Variants in MINK1 observed in about 807,000 individuals in gnomAD.
MINK1 encodes misshapen-like kinase 1.
Under a neutral mutation model 178.4 loss-of-function variants are expected in MINK1, and 46 were observed. The ratio of observed to expected loss-of-function variants is 0.26; its 90% CI spans 0.20 to 0.33. The LOEUF (loss-of-function observed/expected upper bound fraction) is 0.33, where lower values mean the gene tolerates loss of function less well. Ranked by LOEUF, MINK1 falls within the 10% of genes least tolerant of loss-of-function variation. MINK1 has a pLI of 1.00. For synonymous variants in MINK1, 797 were observed against 709.7 expected, an observed-to-expected ratio of 1.12 and a Z score of -1.96; for missense variants, 1,366 against 1,814.9, an observed-to-expected ratio of 0.75 and a Z score of 4.49.
intron 1 of MINK1, among the ~76,000 whole-genome samples, chr17:4,856,109 C>T (rs576939585): frequency 5.3e-5 from 8 of 152,136 alleles, no homozygotes; most frequent in Admixed American, 2.0e-4. Flanking sequence ...CCTTCTCTCG[C>T]CATAGGAACA....
chr17:4,858,699 T>A (rs1259383668), intron 1 of MINK1, among the ~76,000 whole-genome samples: 1 of 151,998 alleles, frequency 6.6e-6, no homozygotes, highest in Non-Finnish European at 1.5e-5. Flanking sequence ...CTTGGTTCCC[T>A]CTTTAGACCA....
At chr17:4,890,454 A>G (rs1443550377) in intron 13 of MINK1, 63 bp from the exon 14 acceptor site, 1 of 1,529,342 alleles carries the variant, frequency 6.5e-7, no homozygotes, top group South Asian at 1.2e-5. Flanking sequence ...AAGAGAGGGC[A>G]TGCCTGCTCT....
chr17:4,845,686 A>G (rs1375783026), intron 1 of MINK1, among the ~76,000 whole-genome samples: 4 of 150,818 alleles, frequency 2.7e-5, no homozygotes, highest in African/African-American at 9.8e-5. Flanking sequence ...CCCAGGCTGG[A>G]GTGCGGTGGC....
chr17:4,871,902 A>G (rs1157798299), intron 1 of MINK1, among the ~76,000 whole-genome samples: 2 of 152,150 alleles, frequency 1.3e-5, no homozygotes, highest in Non-Finnish European at 2.9e-5. Flanking sequence ...GCTGAAGTAC[A>G]GTGGCATGAC....
In MINK1 at chr17:4,892,979, T is replaced by G. The variant is rs11556634; in HGVS notation, c.2312T>G (p.Val771Gly). The G allele has an allele frequency of 6.4e-7, 1 of 1,563,074 alleles. No individual in the cohort carries two copies. The highest frequency in any genetic ancestry group is 1.2e-5 in the South Asian group (1 of 84,946). Reference sequence around the variant, plus strand: ...GACCTTCTTCCACCCTGCCGTCCAGTCTCCTCCAAACCGGACAGCTCCCCT... The same window carrying G: ...GACCTTCTTCCACCCTGCCGTCCAGGCTCCTCCAAACCGGACAGCTCCCCT... ...AGSLERNRVGVSSKPDSSPVL... is the reference protein window; with the variant it reads ...AGSLERNRVGGSSKPDSSPVL... Residue 771 changes from valine to glycine, a missense_variant and splice_region_variant, in exon 20 of 32, where the codon GTC (valine) becomes GGC (glycine). Transcript: ENST00000355280.
intron 13 of MINK1, chr17:4,890,232 G>C: frequency 8.9e-7 from 1 of 1,126,838 alleles, no homozygotes; most frequent in Non-Finnish European, 1.1e-6. Flanking sequence ...GAATATATTC[G>C]TCACAGGCTA....
chr17:4,878,250 C>T lies in MINK1; in HGVS notation c.58-67C>T, dbSNP rs1313253400. ...CATATCTTGACTGGATACCACTTTA[C>T]CCCCCTCTAGCTCTGTAATCCTTTT... On this transcript the variant is annotated intron_variant, in intron 1 of 31. Coordinates refer to ENST00000355280, the MANE Select transcript of MINK1 (RefSeq NM_153827.5). 5 of 1,415,832 alleles carry T rather than the reference C, an allele frequency of 3.5e-6. No individual in the cohort carries two copies. The South Asian group carries it at 3.7e-5, about 10-fold the overall frequency. 87.7% of individuals were successfully genotyped at this position (1,415,832 alleles called of 1,614,324 possible).
rs1967640316 is a variant in MINK1 at position 4,880,904 on chromosome 17, A to G, written c.124-80A>G. ...GACAGAGCGAGACCCTGTCTCAAAA[A>G]AAAAAGCTGTGTCTCCTAGAGTCAA... On this transcript the variant is annotated intron_variant, in intron 2 of 31. Transcript: ENST00000355280. 4.4e-6 allele frequency: 6 copies of G among 1,379,146 alleles called. No individual in the cohort carries two copies. In the South Asian group the frequency reaches 7.8e-5, roughly 18 times the overall value. 85.4% of individuals were successfully genotyped at this position (1,379,146 alleles called of 1,614,324 possible). A position where few individuals can be genotyped will look rare whatever the true frequency, so the allele number is the denominator to read the frequency against.
rs375916129 is a variant in MINK1, at chr17:4,885,513, G to A, written c.539G>A (p.Arg180His). 8 of 1,613,898 alleles carry A rather than the reference G, an allele frequency of 5.0e-6. No homozygotes were observed. The highest frequency in any genetic ancestry group is 6.8e-6 in the Non-Finnish European group (8 of 1,179,858). ...VDFGVSAQLD[R>H]TVGRRNTFIG... ...TTTGGGGTGAGTGCTCAGCTGGACC[G>A]CACCGTGGGCAGACGGAACACTTTC... The change falls in exon 7 of 32, where the codon CGC (arginine) becomes CAC (histidine). Residue 180 changes from arginine to histidine, a missense_variant. This residue lies in a region of MINK1 where 109 missense variants were observed against 369.4 expected (regional missense o/e 0.30). Transcript: ENST00000355280. The surrounding 1 kb of genome is among the most constrained non-coding windows in gnomAD (Gnocchi z 5.0).
chr17:4,855,004 C>T (rs546916656), intron 1 of MINK1, among the ~76,000 whole-genome samples: 13 of 151,592 alleles, frequency 8.6e-5, no homozygotes, highest in South Asian at 4.2e-4. Context: ...GTCAGCAATT[C>T]GAGACCAGCC....
At chr17:4,852,492 C>T (rs533366420) in intron 1 of MINK1, among the ~76,000 whole-genome samples, 1 of 151,408 alleles carries the variant, frequency 6.6e-6, no homozygotes, top group Non-Finnish European at 1.5e-5. Context: ...AGGCACGAGG[C>T]ATCCAGGTAA....
intron 1 of MINK1, among the ~76,000 whole-genome samples, chr17:4,855,106 C>T (rs1179350526): frequency 6.8e-6 from 1 of 147,940 alleles, no homozygotes; most frequent in Non-Finnish European, 1.5e-5. Flanking sequence ...TATTACTATA[C>T]TTAGGAAGCT....
intron 16 of MINK1, 58 bp downstream of exon 16, chr17:4,891,774 G>C: frequency 6.6e-7 from 1 of 1,523,774 alleles, no homozygotes; most frequent in Non-Finnish European, 8.8e-7. Flanking sequence ...AAGAGAAGGA[G>C]GGCAGTGAAG....
Position 4,893,711 on chromosome 17 carries a change from C to G in MINK1, c.2564+114C>G, listed in dbSNP as rs551561536. ...GTCTGAGGGAGAGCGGCTCCCTTCT[C>G]TAGAGAGTGGGGTGAGGGTGCAGGT... On this transcript the variant is annotated intron_variant, in intron 21 of 31. Transcript: ENST00000355280. 1.1e-5 allele frequency: 15 copies of G among 1,375,702 alleles called. No homozygotes were observed. The Admixed American group carries it at 4.0e-4, about 37-fold the overall frequency. The allele number at this position is 1,375,702 out of a possible 1,614,324, so 85.2% of individuals were successfully genotyped here.
intron 2 of MINK1, 76 bp from the exon 3 acceptor site, chr17:4,880,908 A>C (rs1005452859): frequency 1.4e-6 from 2 of 1,385,712 alleles, no homozygotes; most frequent in African/African-American, 2.9e-5. Flanking sequence ...TCAAAAAAAA[A>C]AGCTGTGTCT....
chr17:4,890,648 G>C lies in MINK1; in HGVS notation c.1479G>C (p.Gln493His), dbSNP rs369798720. 6.4e-6 allele frequency: 10 copies of C among 1,552,630 alleles called. No individual in the cohort carries two copies. The South Asian group carries it at 1.1e-4, about 17-fold the overall frequency. The change falls in exon 14 of 32, where the codon CAG becomes CAC. Residue 493 changes from glutamine to histidine, a missense_variant. Gln to His is a conservative substitution (Grantham distance 24, BLOSUM62 0). Transcript: ENST00000355280. ...AGCAGCAGCTTCAGAAACAGCAGCAGCAGCAGCTCCTGCCTGGGGACAGGA... is the reference window on the plus strand; with the variant it reads ...AGCAGCAGCTTCAGAAACAGCAGCACCAGCAGCTCCTGCCTGGGGACAGGA... The part of the protein sequence containing the change: ...QQQQQLQKQQ[Q>H]QQLLPGDRKP...
chr17:4,860,284 C>T (rs1259032173), intron 1 of MINK1, among the ~76,000 whole-genome samples: 1 of 152,136 alleles, frequency 6.6e-6, no homozygotes, highest in African/African-American at 2.4e-5. Context: ...ACCATGAGTC[C>T]AGGCCTCTCC....
At chr17:4,881,885 C>T (rs920849352) in intron 4 of MINK1, among the ~76,000 whole-genome samples, 10 of 152,276 alleles carry the variant, frequency 6.6e-5, no homozygotes, top group African/African-American at 2.4e-4. Flanking sequence ...AGCCCAGTCC[C>T]TGAGGATGGA....
At position 4,891,675 on chromosome 17, in the gene MINK1, C is replaced by A. The variant is rs772451241; in HGVS notation, c.1960C>A (p.Pro654Thr). Reference protein sequence around the residue: ...TSEGPGPSPNPPAWVRPDNEA... With the variant: ...TSEGPGPSPNTPAWVRPDNEA... ...TGAAGGACCTGGCCCCAGCCCGAAT[C>A]CCCCAGCCTGGGTCCGCCCAGATAA... The change falls in exon 16 of 32, where the codon CCC becomes ACC. Residue 654 changes from proline (P) to threonine (T), a missense_variant. Around this residue, in one of 14 missense-constraint regions of MINK1, gnomAD observed 709 missense variants for 692.3 expected, o/e 1.02. Transcript: ENST00000355280. The A allele has an allele frequency of 1.9e-5, 30 of 1,601,552 alleles. No individual in the cohort carries two copies. The highest frequency in any genetic ancestry group is 2.4e-5 in the Non-Finnish European group (28 of 1,174,800).
Sources: gnomAD v4.1 joint callset for allele counts (sites outside exome capture counted in the v4.1 genomes callset) on GRCh38, gnomAD v4.1.1 for gene constraint, gnomAD v4.1.1 regional missense constraint, Gnocchi (gnomAD v3.1) non-coding constraint, MANE v1.5 for transcripts, NCBI Gene and HGNC (gene_info 2026-07-23, HGNC 2026-07-21) for gene names.